RALGAPA2: variants seen among roughly 807,000 people sequenced by gnomAD.
The protein encoded by RALGAPA2 is Ral GTPase activating protein catalytic subunit alpha 2, also known as ral GTPase-activating protein subunit alpha-2.
RALGAPA2 carries 139 observed loss-of-function variants against 230.4 expected under a neutral mutation model. That is an observed-to-expected ratio of 0.60 (90% CI 0.53 to 0.69). The LOEUF (loss-of-function observed/expected upper bound fraction) is 0.69. Ranked by LOEUF, RALGAPA2 falls within the 30% of genes least tolerant of loss-of-function variation. The pLI is 0.00. For missense variants in RALGAPA2, 2,163 were observed against 2,276.0 expected (o/e 0.95, Z 1.01); for synonymous variants, 847 against 837.8 (o/e 1.01, Z -0.19).
intron 37 of RALGAPA2, among the ~76,000 whole-genome samples, chr20:20,454,787 A>T (rs1196573038): frequency 6.6e-6 from 1 of 152,200 alleles, no homozygotes; most frequent in Non-Finnish European, 1.5e-5. Context: ...TCTTCTAATG[A>T]TGTTTTGTGG....
intron 14 of RALGAPA2, among the ~76,000 whole-genome samples, chr20:20,610,979 T>C (rs1293984554): frequency 2.0e-5 from 3 of 152,206 alleles, no homozygotes; most frequent in South Asian, 2.1e-4. Flanking sequence ...CCCAACACAC[T>C]GATGGCTCTC....
chr20:20,452,864 A>G (rs2061019865), intron 37 of RALGAPA2, among the ~76,000 whole-genome samples: 1 of 152,232 alleles, frequency 6.6e-6, no homozygotes, highest in Admixed American at 6.5e-5. Context: ...AAAATTCCAC[A>G]GGCATCTTTG....
intron 23 of RALGAPA2, among the ~76,000 whole-genome samples, chr20:20,567,879 AT>A: frequency 8.0e-6 from 1 of 124,244 alleles, no homozygotes; most frequent in African/African-American, 3.3e-5. Flanking sequence ...ATAAAATAAA[AT>A]AAAATAAAAT....
rs1555833907 is a variant in RALGAPA2, at chr20:20,712,603, T to TGCTGCCGCC, written c.-124_-123insGGCGGCAGC. ...CACTCGCCGCCCCCAGCCCCGCTGC[T>TGCTGCCGCC]GCCGCCGCCGCCGCCGCCGCCGCCG... is the stretch of plus-strand genomic sequence containing the variant. On this transcript the variant is annotated 5_prime_UTR_variant, in exon 1 of 40. Coordinates refer to ENST00000202677, the MANE Select transcript of RALGAPA2 (RefSeq NM_020343.4). This position sits in a 1 kb window ranked among gnomAD's most constrained non-coding sequence, Gnocchi z 5.5. 8 of 1,179,264 alleles carry TGCTGCCGCC rather than the reference T, an allele frequency of 6.8e-6. No homozygotes were observed. The African/African-American group carries it at 8.1e-5, about 12-fold the overall frequency. The allele number at this position is 1,179,264 out of a possible 1,614,324, so 73.1% of individuals were successfully genotyped here. A position where few individuals can be genotyped will look rare whatever the true frequency, so the allele number is the denominator to read the frequency against.
At position 20,524,834 on chromosome 20, in the gene RALGAPA2, T is replaced by C. The variant is rs1373635098; in HGVS notation, c.3758A>G (p.Lys1253Arg). The part of the protein sequence containing the change: ...SAEYSSVETD[K>R]KFIVSLLLCL... ...CTTAGTTAATGTGCCACCTACCTTC[T>C]TGTCTGTTTCCACTGAGGAGTACTC... is the stretch of plus-strand genomic sequence containing the variant. Residue 1253 changes from lysine (K) to arginine (R), a missense_variant, in exon 29 of 40, where the codon AAG (lysine) becomes AGG (arginine). By Grantham distance (26) the Lys-to-Arg change is conservative. Coordinates refer to ENST00000202677, the MANE Select transcript of RALGAPA2 (RefSeq NM_020343.4). 3 of 1,599,526 alleles carry C rather than the reference T, an allele frequency of 1.9e-6. No homozygotes were observed. The African/African-American group carries it at 4.0e-5, about 22-fold the overall frequency.
At chr20:20,548,829 T>A (rs1421725327) in intron 23 of RALGAPA2, among the ~76,000 whole-genome samples, 1 of 152,210 alleles carries the variant, frequency 6.6e-6, no homozygotes, top group Non-Finnish European at 1.5e-5. Flanking sequence ...GAGGTACTCA[T>A]TGTGCTGGGA....
intron 1 of RALGAPA2, among the ~76,000 whole-genome samples, chr20:20,686,815 A>G (rs746682161): frequency 1.3e-5 from 2 of 152,210 alleles, no homozygotes; most frequent in Admixed American, 6.5e-5. Context: ...TGGAAGGGTC[A>G]TAACACAGTC....
chr20:20,557,032 G>A (rs193196212), intron 23 of RALGAPA2, among the ~76,000 whole-genome samples: 3 of 152,302 alleles, frequency 2.0e-5, no homozygotes, highest in East Asian at 3.9e-4. Context: ...ATGGGCGGCC[G>A]AGCGTGATGG....
At chr20:20,539,447 C>A (rs1312113468) in intron 24 of RALGAPA2, among the ~76,000 whole-genome samples, 1 of 152,062 alleles carries the variant, frequency 6.6e-6, no homozygotes, top group East Asian at 1.9e-4. Context: ...TTTTGGAAGG[C>A]TACTTTATTA....
At chr20:20,410,712 T>A (rs1394698825) in intron 38 of RALGAPA2, among the ~76,000 whole-genome samples, 1 of 152,256 alleles carries the variant, frequency 6.6e-6, no homozygotes, top group African/African-American at 2.4e-5. Context: ...TCCACTTTTT[T>A]AATGTAAGAA....
chr20:20,680,990 C>T (rs1243397616), intron 1 of RALGAPA2, among the ~76,000 whole-genome samples, 189 bp from the exon 2 acceptor site: 1 of 152,182 alleles, frequency 6.6e-6, no homozygotes, highest in East Asian at 1.9e-4. Flanking sequence ...TTGAGTACCA[C>T]CCACCACTCA....
chr20:20,670,721 A>G (rs1603229975), intron 3 of RALGAPA2, among the ~76,000 whole-genome samples: 1 of 151,820 alleles, frequency 6.6e-6, no homozygotes, highest in South Asian at 2.1e-4. Flanking sequence ...GCCGAGGCAC[A>G]TGGATCACCT....
At chr20:20,599,872 C>G (rs1438872649) in intron 16 of RALGAPA2, among the ~76,000 whole-genome samples, 1 of 151,944 alleles carries the variant, frequency 6.6e-6, no homozygotes, top group African/African-American at 2.4e-5. Flanking sequence ...ACTCGGGAGG[C>G]TGAGGTGGTA....
intron 37 of RALGAPA2, among the ~76,000 whole-genome samples, chr20:20,433,394 T>C (rs1241319454): frequency 6.6e-6 from 1 of 152,002 alleles, no homozygotes; most frequent in East Asian, 1.9e-4. Context: ...AGAAAGAAAC[T>C]AGGAGGAGCA....
chr20:20,628,282 G>A (rs2066555363), intron 10 of RALGAPA2, among the ~76,000 whole-genome samples: 1 of 152,162 alleles, frequency 6.6e-6, no homozygotes, highest in African/African-American at 2.4e-5. Context: ...TCTCTGTGGT[G>A]CATTCCCGTC....
At chr20:20,657,521 G>C (rs2067629727) in intron 3 of RALGAPA2, among the ~76,000 whole-genome samples, 1 of 152,188 alleles carries the variant, frequency 6.6e-6, no homozygotes, top group South Asian at 2.1e-4. Context: ...TTGGAAAGCT[G>C]AAGTTCTAAG....
In RALGAPA2 at chr20:20,489,068, A is replaced by C. The variant is rs188674743; in HGVS notation, c.5367+6049T>G. Among the ~76,000 whole-genome samples, 114 of 152,312 alleles carry C rather than the reference A, an allele frequency of 7.5e-4. 1 individual carries two copies. The highest frequency in any genetic ancestry group is 2.2e-4 in the Non-Finnish European group (15 of 68,032). Reference sequence around the variant, plus strand: ...TGACGGGAGTGGCCTTGGGATCCTGAGTAGCCTTCTTCCACTGCCATAGTT... The same window carrying C: ...TGACGGGAGTGGCCTTGGGATCCTGCGTAGCCTTCTTCCACTGCCATAGTT... On this transcript the variant is annotated intron_variant, in intron 36 of 39. Coordinates refer to ENST00000202677, the MANE Select transcript of RALGAPA2 (RefSeq NM_020343.4).
intron 7 of RALGAPA2, among the ~76,000 whole-genome samples, chr20:20,638,900 A>C (rs1159957193): frequency 6.6e-6 from 1 of 152,214 alleles, no homozygotes; most frequent in Admixed American, 6.5e-5. Flanking sequence ...AGAGAAAAGC[A>C]CAGTTCCCTA....
chr20:20,441,838 C>T (rs1391986230), intron 37 of RALGAPA2, among the ~76,000 whole-genome samples: 1 of 151,846 alleles, frequency 6.6e-6, no homozygotes, highest in African/African-American at 2.4e-5. Context: ...GAGGCAGCAT[C>T]AACAGAAAGT....
Sources: gnomAD v4.1 joint callset for allele counts (sites outside exome capture counted in the v4.1 genomes callset) on GRCh38, gnomAD v4.1.1 for gene constraint, Gnocchi (gnomAD v3.1) non-coding constraint, MANE v1.5 for transcripts, NCBI Gene and HGNC (gene_info 2026-07-23, HGNC 2026-07-21) for gene names.